Variants in RNF41 observed in about 807,000 individuals in gnomAD.
The protein encoded by RNF41 is E3 ubiquitin-protein ligase NRDP1.
In RNF41, 4 loss-of-function variants were observed where a neutral mutation model predicts 33.0. The observed-to-expected ratio is 0.12, with a 90% CI of 0.06 to 0.28. The LOEUF is 0.28. Among genes scored for constraint, RNF41 ranks in the 10% least tolerant of loss-of-function variants. The pLI is 1.00. For synonymous variants in RNF41, 164 were observed against 153.2 expected, an observed-to-expected ratio of 1.07 and a Z score of -0.52; for missense variants, 228 against 432.6, an observed-to-expected ratio of 0.53 and a Z score of 4.19.
chr12:56,204,615 A>ACC lies in RNF41; in HGVS notation c.*1831_*1832insGG, dbSNP rs1878756360. On this transcript the variant is annotated 3_prime_UTR_variant, in exon 7 of 7. Transcript: ENST00000345093. ...AGTGCAAAGGGTAGGGAAGCCTTTC[A>ACC]CTGAGCTTCCTGGCTCCATCTGAGG... 1 of 152,662 alleles carries ACC rather than the reference A, an allele frequency of 6.6e-6. No individual in the cohort carries two copies. The highest frequency in any genetic ancestry group is 6.5e-5 in the Admixed American group (1 of 15,268). 9.5% of individuals were successfully genotyped at this position (152,662 alleles called of 1,614,324 possible).
intron 1 of RNF41, among the ~76,000 whole-genome samples, chr12:56,217,633 GACCAGT>G (rs541809949): frequency 1.3e-5 from 2 of 152,198 alleles, no homozygotes; most frequent in Admixed American, 1.3e-4. Flanking sequence ...TCCCCAGATG[GACCAGT>G]ACCAGACTGT....
At position 56,206,744 on chromosome 12, in the gene RNF41, C is replaced by T. The variant is rs703822; in HGVS notation, c.657G>A (p.Ser219=). 29,680 of 1,614,082 alleles carry T rather than the reference C, an allele frequency of 0.018. 309 individuals are homozygous for T. Among genetic ancestry groups the T allele is most frequent in the Non-Finnish European group, 0.022 (26,153 of 1,179,982 alleles). The change falls in exon 7 of 7, where the codon TCG becomes TCA. Residue 219 remains serine (S), a synonymous_variant. Coordinates refer to ENST00000345093, the MANE Select transcript of RNF41 (RefSeq NM_005785.4). The surrounding 1 kb of genome is among the most constrained non-coding windows in gnomAD (Gnocchi z 5.7). ...ARVTRWGGMI[S]TPDAVLQAVI... ...CAGCCTGGAGCACAGCATCAGGAGT[C>T]GAGATCATCCCTCCCCAGCGGGTCA...
At position 56,206,219 on chromosome 12, in the gene RNF41, T is replaced by G. The variant is rs1868262845; in HGVS notation, c.*228A>C. ...GTGGGGGCTTTCCCACCCAGACTGATAATTTATAGACATTTTAGGGGAATA... is the reference window on the plus strand; with the variant it reads ...GTGGGGGCTTTCCCACCCAGACTGAGAATTTATAGACATTTTAGGGGAATA... On this transcript the variant is annotated 3_prime_UTR_variant, in exon 7 of 7. Transcript: ENST00000345093. The surrounding 1 kb of genome is among the most constrained non-coding windows in gnomAD (Gnocchi z 5.7). 1 of 504,384 alleles carries G rather than the reference T, an allele frequency of 2.0e-6. No individual in the cohort carries two copies. The highest frequency in any genetic ancestry group is 3.5e-6 in the Non-Finnish European group (1 of 285,250). 31.2% of individuals were successfully genotyped at this position (504,384 alleles called of 1,614,324 possible).
chr12:56,209,813 A>G (rs1394156116), intron 4 of RNF41, among the ~76,000 whole-genome samples: 1 of 152,200 alleles, frequency 6.6e-6, no homozygotes, highest in Non-Finnish European at 1.5e-5. Context: ...CATGTTGGCC[A>G]GGTTGGTCTT....
intron 4 of RNF41, among the ~76,000 whole-genome samples, chr12:56,208,879 T>C (rs1248974433): frequency 1.3e-5 from 2 of 149,916 alleles, no homozygotes; most frequent in Non-Finnish European, 3.0e-5. Flanking sequence ...TTTTTTTTTT[T>C]TCGAGACCAA....
chr12:56,213,935 A>C (rs1868666062), intron 3 of RNF41, 23 bp downstream of exon 3: 1 of 1,537,028 alleles, frequency 6.5e-7, no homozygotes, highest in Admixed American at 1.7e-5. Context: ...TGCCCCACCA[A>C]ACCTGCCATC....
At chr12:56,217,104 C>T (rs1468762287) in intron 1 of RNF41, among the ~76,000 whole-genome samples, 2 of 149,546 alleles carry the variant, frequency 1.3e-5, no homozygotes, top group Non-Finnish European at 3.0e-5. Flanking sequence ...CGCGCCACCG[C>T]ACTCCAGCCT....
chr12:56,219,340 C>T (rs1036355470), intron 1 of RNF41, among the ~76,000 whole-genome samples: 2 of 151,760 alleles, frequency 1.3e-5, no homozygotes, highest in African/African-American at 4.8e-5. Context: ...TACAGGCGCC[C>T]GCCAGGACGC....
At chr12:56,213,408 C>T (rs1050526935) in intron 3 of RNF41, among the ~76,000 whole-genome samples, 2 of 152,124 alleles carry the variant, frequency 1.3e-5, no homozygotes, top group African/African-American at 4.8e-5. Flanking sequence ...CCATGTTGGC[C>T]AGGATGGCTC....
chr12:56,221,925 A>C (rs1018777118), upstream of RNF41: 11 of 152,380 alleles, frequency 7.2e-5, no homozygotes, highest in African/African-American at 1.9e-4. Context: ...CCTCAGACGG[A>C]TCCTTTGCCC....
intron 5 of RNF41, 36 bp downstream of exon 5, chr12:56,208,127 T>A (rs529978924): frequency 6.2e-7 from 1 of 1,613,706 alleles, no homozygotes; most frequent in African/African-American, 1.3e-5. Context: ...TATCTGCATA[T>A]GAGGGATATG....
At position 56,206,520 on chromosome 12, in the gene RNF41, T is replaced by C; in HGVS notation, c.881A>G (p.Gln294Arg). The C allele has an allele frequency of 1.2e-6, 2 of 1,614,238 alleles. No homozygotes were observed. The highest frequency in any genetic ancestry group is 1.7e-6 in the Non-Finnish European group (2 of 1,180,038). Residue 294 changes from glutamine (Q) to arginine (R), a missense_variant, in exon 7 of 7, where the codon CAG (glutamine) becomes CGG (arginine). Gln to Arg is a conservative substitution (Grantham distance 43). Coordinates refer to ENST00000345093, the MANE Select transcript of RNF41 (RefSeq NM_005785.4). This position sits in a 1 kb window ranked among gnomAD's most constrained non-coding sequence, Gnocchi z 5.7. Reference protein sequence around the residue: ...QAVVVMACENQHMGDDMVQEP... With the variant: ...QAVVVMACENRHMGDDMVQEP... ...TTGCACCATGTCATCCCCCATGTGC[T>C]GGTTCTCACAGGCCATCACGACAAC...
chr12:56,210,369 T>G lies in RNF41; in HGVS notation c.290A>C (p.Asp97Ala), dbSNP rs1432185190. 4 of 1,614,052 alleles carry G rather than the reference T, an allele frequency of 2.5e-6. No homozygotes were observed. The African/African-American group carries it at 5.3e-5, about 22-fold the overall frequency. The change falls in exon 4 of 7, where the codon GAC becomes GCC. Residue 97 changes from aspartate to alanine, a missense_variant. By Grantham distance (126) the Asp-to-Ala change is moderately radical (BLOSUM62 -2). This residue lies in a region of RNF41 where 199 missense variants were observed against 334.6 expected (regional missense o/e 0.59). Transcript: ENST00000345093. ...GTCGCTGAGGTGAGACATGAGGTTG[T>G]CAAGCCGGACAACGGCACTACAGCC... ...VFGCSAVVRL[D>A]NLMSHLSDCE...
In RNF41 at chr12:56,203,063, T is replaced by TG. The variant is rs1878658658; in HGVS notation, c.*3383_*3384insC. On this transcript the variant is annotated 3_prime_UTR_variant, in exon 7 of 7. Coordinates refer to ENST00000345093, the MANE Select transcript of RNF41 (RefSeq NM_005785.4). ...GCGCAGACTCAGCACAGAAATGCCT[T>TG]TTTTTTTTTTTTCAAGCCACTAGAG... 1 of 150,532 alleles carries TG rather than the reference T, an allele frequency of 6.6e-6. No homozygotes were observed. Among genetic ancestry groups the TG allele is most frequent in the African/African-American group, 2.5e-5 (1 of 40,756 alleles). The allele number at this position is 150,532 out of a possible 1,614,324, so 9.3% of individuals were successfully genotyped here. A position where few individuals can be genotyped will look rare whatever the true frequency, so the allele number is the denominator to read the frequency against.
intron 1 of RNF41, among the ~76,000 whole-genome samples, chr12:56,219,583 C>T (rs1224937110): frequency 6.6e-6 from 1 of 151,476 alleles, no homozygotes; most frequent in Non-Finnish European, 1.5e-5. Context: ...CCTTTGGCCT[C>T]CCAAAGTGCT....
chr12:56,214,410 C>T (rs941871198), intron 2 of RNF41, among the ~76,000 whole-genome samples: 1 of 150,976 alleles, frequency 6.6e-6, no homozygotes, highest in African/African-American at 2.4e-5. Flanking sequence ...ATCCCAGCTA[C>T]TCGGGAGGCT....
At chr12:56,219,834 G>T (rs569038887) in intron 1 of RNF41, among the ~76,000 whole-genome samples, 147 of 151,432 alleles carry the variant, frequency 9.7e-4, no homozygotes, top group Middle Eastern at 6.8e-3. Flanking sequence ...GGGCAACATA[G>T]TGAAACCTTG....
intron 3 of RNF41, chr12:56,213,099 AC>A: frequency 2.3e-6 from 3 of 1,289,772 alleles, no homozygotes; most frequent in Non-Finnish European, 3.0e-6. Context: ...GGCAGCTTTC[AC>A]ATCAAAATGC....
chr12:56,208,511 T>C, intron 4 of RNF41: 1 of 453,256 alleles, frequency 2.2e-6, no homozygotes, highest in Non-Finnish European at 3.9e-6. Flanking sequence ...TAAATTTCTT[T>C]CCCCAATCAA....
Sources: gnomAD v4.1 joint callset for allele counts (sites outside exome capture counted in the v4.1 genomes callset) on GRCh38, gnomAD v4.1.1 for gene constraint, gnomAD v4.1.1 regional missense constraint, Gnocchi (gnomAD v3.1) non-coding constraint, MANE v1.5 for transcripts, NCBI Gene and HGNC (gene_info 2026-07-23, HGNC 2026-07-21) for gene names.